The following PXDNL variants were observed in gnomAD, a reference collection of about 807,000 sequenced individuals.
PXDNL encodes the protein peroxidasin like, also known as probable oxidoreductase PXDNL.
In PXDNL, 145 loss-of-function variants were observed where a neutral mutation model predicts 150.8. The ratio of observed to expected loss-of-function variants is 0.96; its 90% CI spans 0.84 to 1.10. The LOEUF is 1.10. Among genes scored for constraint, PXDNL ranks in the 50% least tolerant of loss-of-function variants. The pLI, the probability that PXDNL is intolerant of heterozygous loss-of-function variation, is 0.00. For synonymous variants in PXDNL, 757 were observed against 725.7 expected (o/e 1.04, Z -0.69); for missense variants, 2,087 against 1,873.9 (o/e 1.11, Z -2.10).
intron 1 of PXDNL, among the ~76,000 whole-genome samples, chr8:51,766,120 C>T (rs527341833): frequency 2.0e-5 from 3 of 152,216 alleles, no homozygotes; most frequent in Admixed American, 1.3e-4. Context: ...CAGGCGTGAG[C>T]CACCGAGCTG....
At chr8:51,726,634 T>C (rs529466247) in intron 1 of PXDNL, among the ~76,000 whole-genome samples, 2 of 152,352 alleles carry the variant, frequency 1.3e-5, no homozygotes, top group Admixed American at 1.3e-4. Flanking sequence ...AGATAGCAGA[T>C]TCCTAGAATG....
chr8:51,422,410 T>C (rs1183188031), intron 14 of PXDNL, among the ~76,000 whole-genome samples: 2 of 152,060 alleles, frequency 1.3e-5, no homozygotes, highest in African/African-American at 2.4e-5. Flanking sequence ...TGCTCAGAAG[T>C]TTGATATTTC....
chr8:51,552,539 G>C (rs1752527545), intron 4 of PXDNL, among the ~76,000 whole-genome samples: 1 of 152,182 alleles, frequency 6.6e-6, no homozygotes, highest in South Asian at 2.1e-4. Flanking sequence ...CAGCAACCTG[G>C]ATGGAACTGG....
intron 17 of PXDNL, among the ~76,000 whole-genome samples, chr8:51,377,960 A>T (rs1255596689): frequency 6.6e-6 from 1 of 152,256 alleles, no homozygotes; most frequent in Non-Finnish European, 1.5e-5. Flanking sequence ...TGCGGTATCC[A>T]CTGGGTGAAG....
At chr8:51,364,836 T>C (rs1047860446) in intron 19 of PXDNL, among the ~76,000 whole-genome samples, 4 of 152,236 alleles carry the variant, frequency 2.6e-5, no homozygotes, top group African/African-American at 9.6e-5. Context: ...TCTTTTCCCA[T>C]GGTTTGGAGT....
At chr8:51,473,274 A>AACACACACACACACACACACACACAC (rs1164131411) in intron 7 of PXDNL, among the ~76,000 whole-genome samples, 88 of 134,020 alleles carry the variant, frequency 6.6e-4, no homozygotes, top group Non-Finnish European at 1.3e-3. Context: ...GTAGAAAATA[A>AACACACACACACACACACACACACAC]ACACACACAC....
At chr8:51,788,169 T>C (rs1038813611) in intron 1 of PXDNL, among the ~76,000 whole-genome samples, 1 of 152,392 alleles carries the variant, frequency 6.6e-6, no homozygotes, top group South Asian at 2.1e-4. Context: ...TTTTATGCGA[T>C]ATTAGCTTAA....
chr8:51,441,588 T>A (rs1371214553), intron 12 of PXDNL, among the ~76,000 whole-genome samples: 1 of 152,118 alleles, frequency 6.6e-6, no homozygotes, highest in African/African-American at 2.4e-5. Flanking sequence ...GCAAAAAAAA[T>A]TGAAATCAAT....
At chr8:51,373,025 T>C (rs1292792481) in intron 18 of PXDNL, among the ~76,000 whole-genome samples, 2 of 152,226 alleles carry the variant, frequency 1.3e-5, no homozygotes, top group Admixed American at 1.3e-4. Flanking sequence ...TTCTTGCCAC[T>C]ATCTTGATGT....
chr8:51,360,492 T>C (rs1273766795), intron 19 of PXDNL, among the ~76,000 whole-genome samples: 2 of 152,234 alleles, frequency 1.3e-5, no homozygotes, highest in Non-Finnish European at 1.5e-5. Context: ...TGCATACACA[T>C]GTATATATGT....
chr8:51,716,223 A>T (rs1429586825), intron 1 of PXDNL, among the ~76,000 whole-genome samples: 1 of 152,234 alleles, frequency 6.6e-6, no homozygotes, highest in African/African-American at 2.4e-5. Flanking sequence ...CTAATGAACA[A>T]AGGAAAGATC....
At chr8:51,453,835 A>T in intron 9 of PXDNL, 50 bp from the exon 10 acceptor site, 1 of 1,585,892 alleles carries the variant, frequency 6.3e-7, no homozygotes, top group Non-Finnish European at 8.6e-7. Context: ...GCAGTTAGGA[A>T]GATTTATTTA....
chr8:51,601,099 T>C (rs1413761480), intron 2 of PXDNL, among the ~76,000 whole-genome samples: 2 of 150,494 alleles, frequency 1.3e-5, no homozygotes. Context: ...TGGTATAATT[T>C]TGATTCTTTT....
intron 21 of PXDNL, among the ~76,000 whole-genome samples, chr8:51,333,073 A>G (rs939858726): frequency 6.6e-6 from 1 of 152,210 alleles, no homozygotes. Flanking sequence ...AAAGAATCTT[A>G]AGAGCTGTGA....
chr8:51,598,813 T>C (rs1267951124), intron 2 of PXDNL, among the ~76,000 whole-genome samples: 1 of 152,144 alleles, frequency 6.6e-6, no homozygotes, highest in East Asian at 1.9e-4. Context: ...GCAGAATTCA[T>C]GTCAACTCTT....
At chr8:51,664,050 C>CAAAA (rs59020717) in intron 1 of PXDNL, among the ~76,000 whole-genome samples, 122 of 79,086 alleles carry the variant, frequency 1.5e-3, no homozygotes, top group African/African-American at 4.2e-3. Flanking sequence ...GACTCTGTCT[C>CAAAA]AAAAAAAAAA....
chr8:51,457,299 T>G (rs1809958068), intron 9 of PXDNL, among the ~76,000 whole-genome samples, 199 bp downstream of exon 9: 1 of 152,156 alleles, frequency 6.6e-6, no homozygotes, highest in Non-Finnish European at 1.5e-5. Context: ...AACCACAATG[T>G]GCTGTACCAG....
Position 51,483,653 on chromosome 8 carries a change from A to T in PXDNL, c.514T>A (p.Leu172Ile). ...PAGSFSNLDS[L>I]KRLRLDSNAL... ...CTTGCTTTCACTTACAATCTTTTTA[A>T]TGAATCCAGATTAGAAAAGCTCCCA... The change falls in exon 6 of 23, where the codon TTA becomes ATA. Residue 172 changes from leucine (L) to isoleucine (I), a missense_variant. By Grantham distance (5) the Leu-to-Ile change is conservative. Coordinates refer to ENST00000356297, the MANE Select transcript of PXDNL (RefSeq NM_144651.5). 1 of 1,517,640 alleles carries T rather than the reference A, an allele frequency of 6.6e-7. No individual in the cohort carries two copies. The highest frequency in any genetic ancestry group is 8.9e-7 in the Non-Finnish European group (1 of 1,120,040). The allele number at this position is 1,517,640 out of a possible 1,614,324, so 94.0% of individuals were successfully genotyped here. A position where few individuals can be genotyped will look rare whatever the true frequency, so the allele number is the denominator to read the frequency against.
chr8:51,789,035 A>G (rs2037486189), intron 1 of PXDNL, among the ~76,000 whole-genome samples: 1 of 151,886 alleles, frequency 6.6e-6, no homozygotes, highest in South Asian at 2.1e-4. Context: ...CTTTTTTTTA[A>G]TACCCCATTT....
Sources: allele counts gnomAD v4.1 joint callset (sites outside exome capture counted in the v4.1 genomes callset), GRCh38; gene constraint gnomAD v4.1.1; transcripts MANE v1.5; gene names NCBI Gene and HGNC (gene_info 2026-07-23, HGNC 2026-07-21).